Variants in LRRC37A observed in about 807,000 individuals in gnomAD.
LRRC37A encodes the protein leucine rich repeat containing 37A, also known as leucine-rich repeat-containing protein 37A.
Under a neutral mutation model 35.4 loss-of-function variants are expected in LRRC37A, and 3 were observed. That is an observed-to-expected ratio of 0.08 (90% CI 0.04 to 0.22). The LOEUF (loss-of-function observed/expected upper bound fraction) is 0.22. Ranked by LOEUF, LRRC37A falls within the 10% of genes least tolerant of loss-of-function variation. The probability of loss-of-function intolerance (pLI) is 1.00; values close to 1 mark genes in which losing one functional copy is unlikely to be tolerated. For missense variants in LRRC37A, 67 were observed against 565.3 expected (o/e 0.12, Z 8.94); for synonymous variants, 23 against 215.0 (o/e 0.11, Z 7.81).
At chr17:46,306,382 TG>T (rs2050563232) in intron 5 of LRRC37A, 73 bp downstream of exon 5, 1 of 205,456 alleles carries the variant, frequency 4.9e-6, no homozygotes, top group Non-Finnish European at 1.1e-5. Flanking sequence ...ATTGGGTAGC[TG>T]GGTATAAGCC....
chr17:46,260,362 A>T, the LRRC37A span: 1 of 1,511,944 alleles, frequency 6.6e-7, no homozygotes, highest in Non-Finnish European at 8.8e-7. Flanking sequence ...ATCAGGCGGA[A>T]CTCGTAGAGG....
At chr17:46,332,896 T>C (rs1276734804) in intron 10 of LRRC37A, among the ~76,000 whole-genome samples, 2 of 151,378 alleles carry the variant, frequency 1.3e-5, no homozygotes, top group African/African-American at 4.9e-5. Context: ...CACTAGACTA[T>C]TTTAAGAAGT....
the LRRC37A span, among the ~76,000 whole-genome samples, chr17:46,249,945 C>G: frequency 2.0e-5 from 3 of 152,230 alleles, no homozygotes; most frequent in Admixed American, 6.5e-5. Flanking sequence ...ACTGGGACTA[C>G]AGGAGCCTGC....
chr17:46,291,037 G>A (rs1296250185), upstream of LRRC37A, among the ~76,000 whole-genome samples: 1 of 152,228 alleles, frequency 6.6e-6, no homozygotes, highest in African/African-American at 2.4e-5. Flanking sequence ...TAATGAATCT[G>A]CTTCTCTGTC....
At chr17:46,288,292 C>T (rs1232054117), upstream of LRRC37A, among the ~76,000 whole-genome samples, 3 of 151,224 alleles carry the variant, frequency 2.0e-5, no homozygotes, top group Non-Finnish European at 4.4e-5. Context: ...CAGATGTGCA[C>T]CACCAGGCCC....
At chr17:46,287,592 G>C in the LRRC37A span, among the ~76,000 whole-genome samples, 2 of 152,166 alleles carry the variant, frequency 1.3e-5, no homozygotes, top group Non-Finnish European at 2.9e-5. Flanking sequence ...GAATTTAATC[G>C]AATTAAAAAT....
At chr17:46,262,309 T>C in the LRRC37A span, among the ~76,000 whole-genome samples, 19,395 of 151,930 alleles carry the variant, frequency 0.13, no homozygotes, top group Middle Eastern at 0.2. Context: ...CCTGGCATTA[T>C]AGGCGTGAGC....
chr17:46,267,466 G>A, the LRRC37A span: 1 of 1,611,738 alleles, frequency 6.2e-7, no homozygotes, highest in Admixed American at 1.7e-5. Context: ...GAGTCCACAT[G>A]TTAGTCCTGG....
At chr17:46,261,750 G>T in the LRRC37A span, among the ~76,000 whole-genome samples, 3 of 117,740 alleles carry the variant, frequency 2.5e-5, no homozygotes, top group Non-Finnish European at 6.8e-5. Context: ...AAAAAAAAAA[G>T]AAGAAGAAGA....
the LRRC37A span, among the ~76,000 whole-genome samples, chr17:46,273,511 A>G: frequency 1.3e-5 from 2 of 152,376 alleles, no homozygotes; most frequent in Admixed American, 1.3e-4. Context: ...TAAGAAACCA[A>G]GGTCTGGGAA....
chr17:46,277,514 A>G, the LRRC37A span, among the ~76,000 whole-genome samples: 19 of 152,364 alleles, frequency 1.2e-4, no homozygotes, highest in Admixed American at 7.8e-4. Context: ...ATCAAAAAGC[A>G]TAGAGGGGCT....
upstream of LRRC37A, among the ~76,000 whole-genome samples, chr17:46,290,666 C>T (rs1451155793): frequency 2.6e-5 from 4 of 152,214 alleles, no homozygotes; most frequent in East Asian, 1.9e-4. Context: ...AGGCTGGTCT[C>T]GAACTCCTGA....
the LRRC37A span, among the ~76,000 whole-genome samples, chr17:46,269,392 G>C: frequency 6.6e-6 from 1 of 152,178 alleles, no homozygotes; most frequent in African/African-American, 2.4e-5. Context: ...AAATTAGCCG[G>C]GTGTGGTGGC....
chr17:46,276,866 C>T, the LRRC37A span, among the ~76,000 whole-genome samples: 15,845 of 148,826 alleles, frequency 0.11, 846 homozygotes, highest in East Asian at 0.27. Flanking sequence ...TGCAGTGGCA[C>T]AATCATGGCT....
the LRRC37A span, among the ~76,000 whole-genome samples, chr17:46,265,257 T>G: frequency 6.8e-5 from 1 of 14,610 alleles, no homozygotes; most frequent in African/African-American, 1.9e-4. Context: ...TTCTTCTTCT[T>G]CTTCTTCTTC....
chr17:46,253,173 T>C, the LRRC37A span, among the ~76,000 whole-genome samples: 2 of 143,548 alleles, frequency 1.4e-5, no homozygotes, highest in African/African-American at 2.6e-5. Flanking sequence ...GCAGAGGCGC[T>C]CCTCACATCC....
intron 7 of LRRC37A, among the ~76,000 whole-genome samples, chr17:46,325,787 A>G (rs1213617315): frequency 1.3e-5 from 1 of 77,660 alleles, no homozygotes; most frequent in African/African-American, 3.2e-5. Context: ...TGACTCTCAA[A>G]TGGTTTTGTC....
the LRRC37A span, among the ~76,000 whole-genome samples, chr17:46,261,747 A>AAAG: frequency 3.3e-5 from 4 of 120,910 alleles, no homozygotes; most frequent in South Asian, 2.3e-4. Flanking sequence ...AAAAAAAAAA[A>AAAG]AAGAAGAAGA....
the LRRC37A span, among the ~76,000 whole-genome samples, chr17:46,263,712 G>A: frequency 1.3e-5 from 2 of 151,734 alleles, no homozygotes; most frequent in Non-Finnish European, 2.9e-5. Context: ...GTATTAGCAG[G>A]TCGTGGTGGC....
Sources: allele counts gnomAD v4.1 joint callset (sites outside exome capture counted in the v4.1 genomes callset), GRCh38; gene constraint gnomAD v4.1.1; transcripts MANE v1.5; gene names NCBI Gene and HGNC (gene_info 2026-07-23, HGNC 2026-07-21).